Variants in CAST observed in about 807,000 individuals in gnomAD.
CAST encodes MIR583 host.
A neutral mutation model predicts 119.6 loss-of-function variants in CAST; 76 were observed. The ratio of observed to expected loss-of-function variants is 0.64; its 90% CI spans 0.53 to 0.77. The LOEUF is 0.77. Ranked by LOEUF, CAST falls within the 30% of genes least tolerant of loss-of-function variation. The probability of loss-of-function intolerance (pLI) is 0.00; values close to 1 mark genes in which losing one functional copy is unlikely to be tolerated. For missense variants in CAST, 953 were observed against 946.5 expected (o/e 1.01, Z -0.09); for synonymous variants, 319 against 331.6 (o/e 0.96, Z 0.41).
rs558665166 is a variant in CAST, at chr5:96,584,293, G to A, written c.60+54413G>A. 2.0e-5 allele frequency among the ~76,000 whole-genome samples: 3 copies of A among 152,334 alleles called. No individual in the cohort carries two copies. The South Asian group carries it at 6.2e-4, about 32-fold the overall frequency. ...GCCGATGATGATCTGACAGGGGACA[G>A]AGCTCAGGCAGTAATGCTGCCTCAC... On this transcript the variant is annotated intron_variant, in intron 1 of 11. Coordinates refer to the CAST transcript ENST00000505143.
chr5:95,986,548 A>G, the CAST span, among the ~76,000 whole-genome samples: 1 of 152,166 alleles, frequency 6.6e-6, no homozygotes, highest in Non-Finnish European at 1.5e-5. Context: ...ACATATGGAT[A>G]TGGTATAAAT....
chr5:96,039,782 A>T, the CAST span, among the ~76,000 whole-genome samples: 1 of 152,168 alleles, frequency 6.6e-6, no homozygotes, highest in African/African-American at 2.4e-5. Flanking sequence ...GTAGTCTTGT[A>T]GTATAGTTTG....
At chr5:95,997,707 C>CT in the CAST span, among the ~76,000 whole-genome samples, 1 of 152,130 alleles carries the variant, frequency 6.6e-6, no homozygotes, top group African/African-American at 2.4e-5. Flanking sequence ...CAGATGACAT[C>CT]TTTTCCAGGA....
intron 4 of CAST, 109 bp from the exon 5 acceptor site, chr5:96,726,685 G>T (rs777754749): frequency 1.4e-6 from 1 of 709,602 alleles, no homozygotes; most frequent in Non-Finnish European, 2.4e-6. Context: ...TCGAGTAGAT[G>T]CAATAGATGA....
At chr5:96,258,066 C>A in the CAST span, among the ~76,000 whole-genome samples, 1 of 152,124 alleles carries the variant, frequency 6.6e-6, no homozygotes, top group Non-Finnish European at 1.5e-5. Flanking sequence ...AGCTTAGCCA[C>A]CTCATTTTTT....
chr5:96,539,952 A>AT (rs1274197057), intron 1 of CAST, among the ~76,000 whole-genome samples: 5 of 151,682 alleles, frequency 3.3e-5, no homozygotes, highest in Admixed American at 1.3e-4. Flanking sequence ...ACATGATTTT[A>AT]TTTTTTCTTC....
chr5:96,326,290 G>A, the CAST span, among the ~76,000 whole-genome samples: 3 of 152,060 alleles, frequency 2.0e-5, no homozygotes, highest in Non-Finnish European at 2.9e-5. Context: ...ATCTCACGTT[G>A]AATGACCTAC....
the CAST span, among the ~76,000 whole-genome samples, chr5:96,308,358 CT>C: frequency 6.6e-6 from 1 of 151,866 alleles, no homozygotes; most frequent in Admixed American, 6.6e-5. Flanking sequence ...TACATCTAAC[CT>C]TTTTTCTGAG....
chr5:96,424,387 C>A, the CAST span, among the ~76,000 whole-genome samples: 10 of 152,212 alleles, frequency 6.6e-5, no homozygotes, highest in Admixed American at 2.0e-4. Flanking sequence ...ATGTCAGTTG[C>A]AGGAACAATT....
At chr5:96,692,579 C>T (rs911041679) in intron 2 of CAST, among the ~76,000 whole-genome samples, 3 of 152,192 alleles carry the variant, frequency 2.0e-5, no homozygotes, top group East Asian at 3.8e-4. Context: ...TACCTCAGGG[C>T]CCTTGCACGT....
At chr5:96,278,565 T>C in the CAST span, 1 of 152,230 alleles carries the variant, frequency 6.6e-6, no homozygotes, top group African/African-American at 2.4e-5. Flanking sequence ...CTTAAAGTGA[T>C]CATAGGATTT....
the CAST span, among the ~76,000 whole-genome samples, chr5:96,366,107 G>A: frequency 1.3e-5 from 2 of 152,208 alleles, no homozygotes; most frequent in Non-Finnish European, 2.9e-5. Context: ...GGCTGGATAT[G>A]AAATTCTGGG....
At chr5:96,152,310 A>G in the CAST span, among the ~76,000 whole-genome samples, 2 of 152,164 alleles carry the variant, frequency 1.3e-5, no homozygotes, top group African/African-American at 2.4e-5. Context: ...GCCCAGGGAG[A>G]GTGTCTGCAG....
At chr5:96,089,967 C>A in the CAST span, among the ~76,000 whole-genome samples, 1 of 152,158 alleles carries the variant, frequency 6.6e-6, no homozygotes, top group African/African-American at 2.4e-5. Context: ...AGTTCCTCCC[C>A]CACTAATTAG....
intron 1 of CAST, among the ~76,000 whole-genome samples, chr5:96,555,986 T>TGGCTG (rs1746230922): frequency 6.6e-6 from 1 of 152,180 alleles, no homozygotes; most frequent in Non-Finnish European, 1.5e-5. Context: ...ACACCTCACA[T>TGGCTG]GGCTGGGTAC....
the CAST span, chr5:95,961,532 C>G: frequency 1.3e-6 from 2 of 1,504,356 alleles, no homozygotes; most frequent in Non-Finnish European, 1.8e-6. Context: ...GTGAGGGGTG[C>G]GCTCTGCCTC....
chr5:96,691,393 T>C (rs1045845322), intron 2 of CAST, among the ~76,000 whole-genome samples: 7 of 152,236 alleles, frequency 4.6e-5, no homozygotes, highest in Admixed American at 4.6e-4. Flanking sequence ...ATTAGAATCA[T>C]GAGCTAGTTC....
chr5:96,195,794 T>C, the CAST span, among the ~76,000 whole-genome samples: 1 of 152,204 alleles, frequency 6.6e-6, no homozygotes, highest in African/African-American at 2.4e-5. Context: ...AAATTTTTTA[T>C]TTACAAGATC....
At chr5:96,323,780 T>C in the CAST span, among the ~76,000 whole-genome samples, 3 of 152,186 alleles carry the variant, frequency 2.0e-5, no homozygotes, top group Admixed American at 6.5e-5. Flanking sequence ...AGTTCAATCA[T>C]CTCATTTTAT....
Sources: allele counts gnomAD v4.1 joint callset (sites outside exome capture counted in the v4.1 genomes callset), GRCh38; gene constraint gnomAD v4.1.1; transcripts MANE v1.5; gene names NCBI Gene and HGNC (gene_info 2026-07-23, HGNC 2026-07-21).